The following NRXN3 variants were observed in gnomAD, a reference collection of about 807,000 sequenced individuals.
The protein encoded by NRXN3 is neurexin 3, also known as neurexin III.
Under a neutral mutation model 137.6 loss-of-function variants are expected in NRXN3, and 32 were observed. The observed-to-expected ratio is 0.23, with a 90% CI of 0.18 to 0.31. The LOEUF is 0.31. Among genes scored for constraint, NRXN3 ranks in the 10% least tolerant of loss-of-function variants. The pLI is 1.00. For synonymous variants in NRXN3, 798 were observed against 784.5 expected (o/e 1.02, Z -0.29); for missense variants, 1,574 against 2,062.5 (o/e 0.76, Z 4.59).
chr14:78,347,914 T>C (rs2082962551), intron 4 of NRXN3, among the ~76,000 whole-genome samples: 1 of 151,750 alleles, frequency 6.6e-6, no homozygotes, highest in Admixed American at 6.6e-5. Context: ...AAGAGTGGAG[T>C]CGTTGCAGAA....
chr14:78,828,966 G>A (rs1049204503), intron 10 of NRXN3, among the ~76,000 whole-genome samples: 2 of 152,130 alleles, frequency 1.3e-5, no homozygotes, highest in African/African-American at 4.8e-5. Context: ...AATGATATTT[G>A]AATTTTGGAC....
At chr14:79,668,435 G>A (rs1438567686) in intron 17 of NRXN3, among the ~76,000 whole-genome samples, 1 of 152,042 alleles carries the variant, frequency 6.6e-6, no homozygotes, top group East Asian at 1.9e-4. Context: ...CGTTATCAAG[G>A]CTCTGAAAGG....
intron 16 of NRXN3, among the ~76,000 whole-genome samples, chr14:79,577,673 A>G (rs1159090452): frequency 6.6e-6 from 1 of 152,196 alleles, no homozygotes; most frequent in Non-Finnish European, 1.5e-5. Context: ...AAGTGCAGAG[A>G]TCTTGTGTTA....
intron 18 of NRXN3, among the ~76,000 whole-genome samples, chr14:79,693,454 T>G (rs1273100756): frequency 6.6e-6 from 1 of 151,972 alleles, no homozygotes; most frequent in Admixed American, 6.6e-5. Flanking sequence ...AAGCAAATAA[T>G]TTTGTTTAGT....
chr14:78,937,996 A>T (rs759310957), intron 10 of NRXN3, among the ~76,000 whole-genome samples: 7 of 152,244 alleles, frequency 4.6e-5, no homozygotes, highest in Non-Finnish European at 1.0e-4. Context: ...TAACATTTAG[A>T]CAAGTGATTA....
At chr14:79,820,818 A>G (rs2141029686) in intron 20 of NRXN3, among the ~76,000 whole-genome samples, 1 of 152,218 alleles carries the variant, frequency 6.6e-6, no homozygotes, top group East Asian at 1.9e-4. Context: ...AATATGAAAG[A>G]CTCATATATA....
chr14:78,321,137 A>C (rs2079308283), intron 4 of NRXN3, among the ~76,000 whole-genome samples: 1 of 151,418 alleles, frequency 6.6e-6, no homozygotes. Flanking sequence ...AAAAAGAAAA[A>C]GAAAAAAGAT....
chr14:78,771,580 C>T (rs1380747386), intron 8 of NRXN3, among the ~76,000 whole-genome samples: 2 of 152,180 alleles, frequency 1.3e-5, no homozygotes, highest in African/African-American at 4.8e-5. Flanking sequence ...AGAAACTAAA[C>T]ATGCTTTAGA....
intron 15 of NRXN3, among the ~76,000 whole-genome samples, chr14:79,068,477 C>G (rs2099683490): frequency 6.6e-6 from 1 of 152,058 alleles, no homozygotes; most frequent in Non-Finnish European, 1.5e-5. Context: ...TGCCTGCTAT[C>G]TTATATTTAT....
At chr14:79,810,703 T>C (rs979225244) in intron 20 of NRXN3, among the ~76,000 whole-genome samples, 3 of 152,190 alleles carry the variant, frequency 2.0e-5, no homozygotes, top group African/African-American at 7.2e-5. Context: ...GGATTCTTAA[T>C]CTTTATCAGT....
At chr14:79,134,905 A>T (rs970143100) in intron 15 of NRXN3, among the ~76,000 whole-genome samples, 6 of 152,164 alleles carry the variant, frequency 3.9e-5, no homozygotes, top group African/African-American at 1.4e-4. Context: ...TATGTGAAAA[A>T]TTTGAAATTT....
intron 4 of NRXN3, among the ~76,000 whole-genome samples, chr14:78,317,391 C>G (rs1299072675): frequency 1.3e-5 from 2 of 152,150 alleles, no homozygotes; most frequent in East Asian, 1.9e-4. Flanking sequence ...ATTAGATTCT[C>G]ATAGGAGTGC....
intron 16 of NRXN3, among the ~76,000 whole-genome samples, chr14:79,566,610 T>A (rs527425593): frequency 1.3e-5 from 2 of 152,206 alleles, no homozygotes; most frequent in South Asian, 4.2e-4. Context: ...CAGACATACA[T>A]CACCAGGGTT....
intron 16 of NRXN3, among the ~76,000 whole-genome samples, chr14:79,617,449 A>G (rs762189382): frequency 6.6e-6 from 1 of 152,142 alleles, no homozygotes; most frequent in Admixed American, 6.6e-5. Context: ...AAATTCCACT[A>G]AATTTCAAGA....
intron 15 of NRXN3, among the ~76,000 whole-genome samples, chr14:79,421,345 G>A (rs775662927): frequency 6.6e-6 from 1 of 152,066 alleles, no homozygotes; most frequent in Non-Finnish European, 1.5e-5. Flanking sequence ...TTCTTCTGTG[G>A]GCCTCAGTTT....
intron 15 of NRXN3, among the ~76,000 whole-genome samples, chr14:79,011,279 T>G (rs945870807): frequency 3.9e-5 from 6 of 152,058 alleles, no homozygotes; most frequent in African/African-American, 1.4e-4. Context: ...TTTAAAAAGA[T>G]CTGGTGTAAA....
chr14:79,530,265 A>G (rs1248393721), intron 16 of NRXN3, among the ~76,000 whole-genome samples: 1 of 152,166 alleles, frequency 6.6e-6, no homozygotes, highest in Non-Finnish European at 1.5e-5. Flanking sequence ...GCGTGCACAT[A>G]GTCACATTTA....
intron 4 of NRXN3, among the ~76,000 whole-genome samples, chr14:78,450,741 A>G (rs899933327): frequency 1.3e-5 from 2 of 152,136 alleles, no homozygotes; most frequent in African/African-American, 4.8e-5. Context: ...TTTCCAGTAG[A>G]TTGAAAGCAA....
At chr14:79,551,909 C>A (rs1013238656) in intron 16 of NRXN3, among the ~76,000 whole-genome samples, 1 of 152,172 alleles carries the variant, frequency 6.6e-6, no homozygotes, top group African/African-American at 2.4e-5. Flanking sequence ...CATGGACTGT[C>A]TGGTTTCCTG....
Sources: allele counts gnomAD v4.1 joint callset (sites outside exome capture counted in the v4.1 genomes callset), GRCh38; gene constraint gnomAD v4.1.1; transcripts MANE v1.5; gene names NCBI Gene and HGNC (gene_info 2026-07-23, HGNC 2026-07-21).